Variants in GALNT18 observed in about 807,000 individuals in gnomAD.
GALNT18 encodes the protein polypeptide N-acetylgalactosaminyltransferase 18, also known as GalNAc-transferase 18.
A neutral mutation model predicts 69.5 loss-of-function variants in GALNT18; 44 were observed. The observed-to-expected ratio is 0.63, with a 90% confidence interval of 0.50 to 0.81. The LOEUF (loss-of-function observed/expected upper bound fraction) is 0.81, where lower values mean the gene tolerates loss of function less well. Ranked by LOEUF, GALNT18 falls within the 40% of genes least tolerant of loss-of-function variation. The pLI, the probability that GALNT18 is intolerant of heterozygous loss-of-function variation, is 0.00. For synonymous variants in GALNT18, 364 were observed against 318.2 expected, an observed-to-expected ratio of 1.14 and a Z score of -1.53; for missense variants, 715 against 810.0, an observed-to-expected ratio of 0.88 and a Z score of 1.42.
chr11:11,571,178 TAGC>T (rs1392186105), intron 1 of GALNT18, among the ~76,000 whole-genome samples: 2 of 152,228 alleles, frequency 1.3e-5, no homozygotes, highest in Admixed American at 6.5e-5. Flanking sequence ...AAGATTAACT[TAGC>T]AGTTTATCCA....
Position 11,621,261 on chromosome 11 carries a change from C to T in GALNT18, c.235+98G>A, listed in dbSNP as rs1317190810. The T allele has an allele frequency of 3.1e-6, 3 of 972,168 alleles. No individual in the cohort carries two copies. The highest frequency in any genetic ancestry group is 4.8e-5 in the East Asian group (2 of 41,320). The allele number at this position is 972,168 out of a possible 1,614,324, so 60.2% of individuals were successfully genotyped here. ...ACGCATCTGCGGCCCCAGAGCCCCG[C>T]CGTGGCTGAGTTGATGCGCACCAGC... On this transcript the variant is annotated intron_variant, in intron 1 of 10. Coordinates refer to ENST00000227756, the MANE Select transcript of GALNT18 (RefSeq NM_198516.3). The surrounding 1 kb of genome is among the most constrained non-coding windows in gnomAD (Gnocchi z 9.3).
At chr11:11,429,430 G>C (rs1484477628) in intron 3 of GALNT18, among the ~76,000 whole-genome samples, 1 of 151,994 alleles carries the variant, frequency 6.6e-6, no homozygotes, top group African/African-American at 2.4e-5. Flanking sequence ...ATTACTCCAC[G>C]CGTGAGACTC....
At chr11:11,360,616 AT>A (rs1213177335) in intron 6 of GALNT18, among the ~76,000 whole-genome samples, 4 of 151,756 alleles carry the variant, frequency 2.6e-5, no homozygotes, top group Non-Finnish European at 5.9e-5. Flanking sequence ...GTATGCTTTT[AT>A]CCATAACACA....
At chr11:11,278,189 T>TAA (rs1264056454) in intron 10 of GALNT18, among the ~76,000 whole-genome samples, 32 of 152,054 alleles carry the variant, frequency 2.1e-4, no homozygotes, top group Non-Finnish European at 3.4e-4. Context: ...GTGCAGGACT[T>TAA]AGACTCCAAC....
intron 8 of GALNT18, among the ~76,000 whole-genome samples, chr11:11,328,280 C>T (rs1849960180): frequency 6.6e-6 from 1 of 152,178 alleles, no homozygotes; most frequent in Non-Finnish European, 1.5e-5. Flanking sequence ...ACCTTTACCC[C>T]CCTCACCTTA....
intron 1 of GALNT18, among the ~76,000 whole-genome samples, chr11:11,570,702 A>G (rs554292155): frequency 2.0e-5 from 3 of 152,308 alleles, no homozygotes; most frequent in African/African-American, 7.2e-5. Flanking sequence ...ACTTCTTGCA[A>G]TGTGTACTGA....
chr11:11,356,995 G>A lies in GALNT18; in HGVS notation c.1092+15520C>T, dbSNP rs574004657. Among the ~76,000 whole-genome samples the A allele has an allele frequency of 4.8e-4, 73 of 152,210 alleles. No individual in the cohort carries two copies. Among genetic ancestry groups the A allele is most frequent in the African/African-American group, 1.7e-3 (70 of 41,528 alleles). ...TGGCTGGTGTGCTAGGGGATAACAC[G>A]CAATAGCCACGGAGCTTCCTGCTCC... On this transcript the variant is annotated intron_variant, in intron 6 of 10. Coordinates refer to ENST00000227756, the MANE Select transcript of GALNT18 (RefSeq NM_198516.3). The surrounding 1 kb of genome is among the most constrained non-coding windows in gnomAD (Gnocchi z 4.4).
At chr11:11,529,012 C>A (rs1394645475) in intron 1 of GALNT18, among the ~76,000 whole-genome samples, 1 of 152,126 alleles carries the variant, frequency 6.6e-6, no homozygotes, top group African/African-American at 2.4e-5. Context: ...GCCAAGACAC[C>A]TTGCTAGCTC....
At position 11,463,553 on chromosome 11, in the gene GALNT18, T is replaced by C. The variant is rs985809551; in HGVS notation, c.236-14617A>G. ...GCCCCAGGGCTGAGCGTGCCATCAC[T>C]CCCAGCAGCTGTCGGCTCACTGGAC... On this transcript the variant is annotated intron_variant, in intron 1 of 10. Coordinates refer to ENST00000227756, the MANE Select transcript of GALNT18 (RefSeq NM_198516.3). This position sits in a 1 kb window ranked among gnomAD's most constrained non-coding sequence, Gnocchi z 4.2. Among the ~76,000 whole-genome samples the C allele has an allele frequency of 3.9e-5, 6 of 152,224 alleles. No homozygotes were observed. In the East Asian group the frequency reaches 1.2e-3, roughly 30 times the overall value.
At chr11:11,375,476 G>C (rs1313903883) in intron 5 of GALNT18, among the ~76,000 whole-genome samples, 2 of 152,142 alleles carry the variant, frequency 1.3e-5, no homozygotes, top group Non-Finnish European at 2.9e-5. Flanking sequence ...ATTGCATGGG[G>C]GCATATTTCC....
In GALNT18 at chr11:11,320,510, T is replaced by G. The variant is rs982097844; in HGVS notation, c.1512+6576A>C. Among the ~76,000 whole-genome samples, 1 of 152,216 alleles carries G rather than the reference T, an allele frequency of 6.6e-6. No homozygotes were observed. Among genetic ancestry groups the G allele is most frequent in the Non-Finnish European group, 1.5e-5 (1 of 68,038 alleles). ...TTGAATGTTTGATTTGGACCAAGTC[T>G]GTAGGATTCAGAGGATCTTTGGGGT... On this transcript the variant is annotated intron_variant, in intron 9 of 10. Coordinates refer to ENST00000227756, the MANE Select transcript of GALNT18 (RefSeq NM_198516.3). The surrounding 1 kb of genome is among the most constrained non-coding windows in gnomAD (Gnocchi z 4.9).
intron 10 of GALNT18, among the ~76,000 whole-genome samples, chr11:11,272,480 T>G (rs1412352395): frequency 6.6e-6 from 1 of 151,518 alleles, no homozygotes; most frequent in Non-Finnish European, 1.5e-5. Context: ...AGTGCAGCAC[T>G]GAAGGCCTCC....
chr11:11,500,015 C>T lies in GALNT18; in HGVS notation c.236-51079G>A, dbSNP rs4910011. On this transcript the variant is annotated intron_variant, in intron 1 of 10. Transcript: ENST00000227756. The surrounding 1 kb of genome is among the most constrained non-coding windows in gnomAD (Gnocchi z 5.0). Reference sequence around the variant, plus strand: ...AGAGAAAGATGCAGTCCTAGAGACACAGAGAAAGAAAAAAGATCAAGAGAA... The same window carrying T: ...AGAGAAAGATGCAGTCCTAGAGACATAGAGAAAGAAAAAAGATCAAGAGAA... Among the ~76,000 whole-genome samples, 1,900 of 152,128 alleles carry T rather than the reference C, an allele frequency of 0.012. 39 individuals carry two copies. The highest frequency in any genetic ancestry group is 0.043 in the African/African-American group (1,786 of 41,486).
intron 1 of GALNT18, among the ~76,000 whole-genome samples, chr11:11,553,818 G>A (rs574681955): frequency 6.0e-4 from 91 of 152,212 alleles, no homozygotes; most frequent in Non-Finnish European, 2.8e-4. Flanking sequence ...TGCCAAGGTC[G>A]CCTGCCATGT....
rs1040581402 is a variant in GALNT18 at position 11,314,005 on chromosome 11, T to C, written c.1512+13081A>G. Among the ~76,000 whole-genome samples the C allele has an allele frequency of 7.9e-5, 12 of 152,310 alleles. No individual in the cohort carries two copies. Among genetic ancestry groups the C allele is most frequent in the African/African-American group, 2.9e-4 (12 of 41,542 alleles). On this transcript the variant is annotated intron_variant, in intron 9 of 10. Transcript: ENST00000227756. This position sits in a 1 kb window ranked among gnomAD's most constrained non-coding sequence, Gnocchi z 5.2. ...AGGCACATGCAGGTTTGTTACTTTA[T>C]TTAATAGCACCCGCCCCCATTTTAC...
chr11:11,561,578 A>G (rs1456636487), intron 1 of GALNT18, among the ~76,000 whole-genome samples: 1 of 152,246 alleles, frequency 6.6e-6, no homozygotes, highest in East Asian at 1.9e-4. Flanking sequence ...TAAAAAACAG[A>G]TGTCAAGGAA....
At chr11:11,443,723 C>A (rs139960811) in intron 2 of GALNT18, among the ~76,000 whole-genome samples, 3 of 152,316 alleles carry the variant, frequency 2.0e-5, no homozygotes, top group East Asian at 3.9e-4. Context: ...GAACCCCTGC[C>A]CAGTCCTGGC....
intron 1 of GALNT18, among the ~76,000 whole-genome samples, chr11:11,479,275 T>C (rs182603199): frequency 2.6e-4 from 39 of 152,244 alleles, no homozygotes; most frequent in Non-Finnish European, 3.4e-4. Context: ...CAGGGAACAA[T>C]ATTTTCACAG....
At chr11:11,550,873 T>C (rs1358018123) in intron 1 of GALNT18, among the ~76,000 whole-genome samples, 2 of 152,220 alleles carry the variant, frequency 1.3e-5, no homozygotes, top group Middle Eastern at 3.2e-3. Flanking sequence ...ATATTGTAGT[T>C]CCAGGGGAGT....
Sources: gnomAD v4.1 joint callset for allele counts (sites outside exome capture counted in the v4.1 genomes callset) on GRCh38, gnomAD v4.1.1 for gene constraint, Gnocchi (gnomAD v3.1) non-coding constraint, MANE v1.5 for transcripts, NCBI Gene and HGNC (gene_info 2026-07-23, HGNC 2026-07-21) for gene names.